Variants in MIPOL1 observed in about 807,000 individuals in gnomAD.
The protein encoded by MIPOL1 is mirror-image polydactyly 1.
Under a neutral mutation model 60.9 loss-of-function variants are expected in MIPOL1, and 57 were observed. That is an observed-to-expected ratio of 0.94 (90% CI 0.76 to 1.17). The LOEUF is 1.17. Among genes scored for constraint, MIPOL1 ranks in the 50% most tolerant of loss-of-function variants. The pLI is 0.00. For missense variants in MIPOL1, 551 were observed against 511.6 expected, an observed-to-expected ratio of 1.08 and a Z score of -0.74; for synonymous variants, 179 against 168.8, an observed-to-expected ratio of 1.06 and a Z score of -0.47.
chr14:37,337,352 ATATATTTTT>A (rs1567530072), intron 9 of MIPOL1, among the ~76,000 whole-genome samples: 2 of 35,450 alleles, frequency 5.6e-5, no homozygotes, highest in Admixed American at 5.8e-4. Context: ...ATATATATAT[ATATATTTTT>A]TTTTTTTTTT....
At chr14:37,290,202 A>G (rs113690269) in intron 7 of MIPOL1, among the ~76,000 whole-genome samples, 3 of 152,080 alleles carry the variant, frequency 2.0e-5, no homozygotes, top group African/African-American at 7.2e-5. Context: ...CAGATTCCCC[A>G]TCCCCTTGTG....
Position 37,263,702 on chromosome 14 carries a change from A to G in MIPOL1, c.20-3236A>G, listed in dbSNP as rs118171957. On this transcript the variant is annotated intron_variant, in intron 3 of 12. Coordinates refer to ENST00000684589, the MANE Select transcript of MIPOL1 (RefSeq NM_001388067.1). ...TTGACAGTTTATTCTTTAAGTCCAT[A>G]TGGATAAATGAAGTTGAATAGTATT... Among the ~76,000 whole-genome samples the G allele has an allele frequency of 7.4e-3, 1,121 of 152,310 alleles. 54 individuals carry two copies. Among genetic ancestry groups the G allele is most frequent in the Admixed American group, 0.063 (971 of 15,292 alleles).
In MIPOL1 at chr14:37,306,684, T is replaced by G. The variant is rs537194462; in HGVS notation, c.624-1372T>G. On this transcript the variant is annotated intron_variant, in intron 7 of 12. Coordinates refer to ENST00000684589, the MANE Select transcript of MIPOL1 (RefSeq NM_001388067.1). ...ACTCATTTTCTTCAAATATTTTCACTATGATAATAAATAAATGTAAGAATT... is the reference window on the plus strand; with the variant it reads ...ACTCATTTTCTTCAAATATTTTCACGATGATAATAAATAAATGTAAGAATT... Among the ~76,000 whole-genome samples, 10 of 152,028 alleles carry G rather than the reference T, an allele frequency of 6.6e-5. No individual in the cohort carries two copies. In the South Asian group the frequency reaches 2.1e-3, roughly 31 times the overall value.
chr14:37,258,361 G>T (rs1476587065), intron 3 of MIPOL1, among the ~76,000 whole-genome samples: 2 of 151,984 alleles, frequency 1.3e-5, no homozygotes, highest in Non-Finnish European at 2.9e-5. Context: ...TATTGCAGTT[G>T]TAGAAATTTC....
intron 9 of MIPOL1, among the ~76,000 whole-genome samples, chr14:37,336,356 TATC>T (rs910071125): frequency 3.3e-5 from 5 of 149,850 alleles, no homozygotes; most frequent in African/African-American, 9.7e-5. Flanking sequence ...ACTTTCATGT[TATC>T]ATTCTCTTTT....
intron 11 of MIPOL1, among the ~76,000 whole-genome samples, chr14:37,497,067 G>C (rs1046739924): frequency 6.6e-6 from 1 of 151,998 alleles, no homozygotes. Context: ...TTAATAAATG[G>C]TGCTGGGAAA....
chr14:37,345,392 G>A (rs947642612), intron 9 of MIPOL1, among the ~76,000 whole-genome samples: 5 of 152,148 alleles, frequency 3.3e-5, no homozygotes, highest in Non-Finnish European at 5.9e-5. Context: ...GGCAAGAACC[G>A]TTGTGCATGG....
chr14:37,337,132 G>A (rs548033164), intron 9 of MIPOL1, among the ~76,000 whole-genome samples: 8 of 151,132 alleles, frequency 5.3e-5, no homozygotes, highest in Non-Finnish European at 1.0e-4. Context: ...CTTCTTAAAT[G>A]GTTTCTAGAA....
intron 3 of MIPOL1, among the ~76,000 whole-genome samples, chr14:37,257,094 T>TA (rs1975073543): frequency 1.0e-5 from 1 of 96,960 alleles, no homozygotes; most frequent in Non-Finnish European, 2.0e-5. Flanking sequence ...TTGGTTTTGT[T>TA]TTGTGTGTGT....
chr14:37,414,035 A>C (rs2093723064), intron 10 of MIPOL1, among the ~76,000 whole-genome samples: 1 of 152,166 alleles, frequency 6.6e-6, no homozygotes. Flanking sequence ...TCAGTACCAA[A>C]AATTTTTTTA....
chr14:37,211,760 G>A lies in MIPOL1; in HGVS notation c.-199+13656G>A, dbSNP rs539837637. On this transcript the variant is annotated intron_variant, in intron 1 of 12. Transcript: ENST00000684589. ...AGCTGGGGCAACCAATGGAGTGCTG[G>A]CATCACCCCTCACCTAACCCCAGGC... 2.5e-3 allele frequency among the ~76,000 whole-genome samples: 375 copies of A among 152,060 alleles called. 1 individual carries two copies. The highest frequency in any genetic ancestry group is 4.6e-3 in the Admixed American group (70 of 15,260).
At chr14:37,220,770 T>C (rs1594543398) in intron 1 of MIPOL1, among the ~76,000 whole-genome samples, 1 of 152,292 alleles carries the variant, frequency 6.6e-6, no homozygotes, top group Non-Finnish European at 1.5e-5. Flanking sequence ...TACCTACATG[T>C]CTCTATTTGT....
rs140340173 is a variant in MIPOL1, at chr14:37,539,535, A to G, written c.1263-7370A>G. On this transcript the variant is annotated intron_variant, in intron 12 of 12. Transcript: ENST00000684589. ...ATACTGGATTGTTGTATAGGACTCT[A>G]TGTTTTTAAAAACACTAGACATGCC... Among the ~76,000 whole-genome samples, 26 of 152,318 alleles carry G rather than the reference A, an allele frequency of 1.7e-4. No homozygotes were observed. In the East Asian group the frequency reaches 5.0e-3, roughly 29 times the overall value.
intron 11 of MIPOL1, among the ~76,000 whole-genome samples, chr14:37,448,360 A>C (rs2094368785): frequency 1.3e-5 from 2 of 152,230 alleles, no homozygotes; most frequent in Non-Finnish European, 2.9e-5. Flanking sequence ...TGTCCTGTAC[A>C]TGCTACTTAG....
intron 11 of MIPOL1, among the ~76,000 whole-genome samples, chr14:37,496,235 T>G (rs2095126396): frequency 7.1e-6 from 1 of 140,610 alleles, no homozygotes; most frequent in Admixed American, 7.3e-5. Context: ...CTTTGAAAAC[T>G]GGCACAAGAC....
At chr14:37,373,841 C>T (rs1254974159) in intron 10 of MIPOL1, among the ~76,000 whole-genome samples, 1 of 152,140 alleles carries the variant, frequency 6.6e-6, no homozygotes, top group African/African-American at 2.4e-5. Context: ...CCACAATAAA[C>T]ATAAGTGTGC....
At chr14:37,356,315 T>C (rs1221241941) in intron 9 of MIPOL1, among the ~76,000 whole-genome samples, 2 of 151,740 alleles carry the variant, frequency 1.3e-5, no homozygotes, top group Admixed American at 6.6e-5. Context: ...TTCAAAGCTG[T>C]CAGACAGGGA....
At chr14:37,503,873 A>G (rs1012193026) in intron 12 of MIPOL1, 2 of 152,242 alleles carry the variant, frequency 1.3e-5, no homozygotes, top group Non-Finnish European at 2.9e-5. Flanking sequence ...TCTTACATGC[A>G]GAGGCACAAA....
chr14:37,507,886 A>G (rs748314330), intron 12 of MIPOL1: 4 of 152,238 alleles, frequency 2.6e-5, no homozygotes, highest in South Asian at 2.1e-4. Context: ...TTTAAGCACA[A>G]CTATGTCATT....
Sources: allele counts gnomAD v4.1 joint callset (sites outside exome capture counted in the v4.1 genomes callset), GRCh38; gene constraint gnomAD v4.1.1; transcripts MANE v1.5; gene names NCBI Gene and HGNC (gene_info 2026-07-23, HGNC 2026-07-21).